MAGI2: variants seen among roughly 807,000 people sequenced by gnomAD.
MAGI2 encodes membrane associated guanylate kinase, WW and PDZ domain containing 2.
A neutral mutation model predicts 133.3 loss-of-function variants in MAGI2; 35 were observed. The observed-to-expected ratio is 0.26, with a 90% CI of 0.20 to 0.35. MAGI2 has a LOEUF of 0.35. Ranked by LOEUF, MAGI2 falls within the 10% of genes least tolerant of loss-of-function variation. The pLI is 1.00. For missense variants in MAGI2, 1,636 were observed against 1,863.4 expected, an observed-to-expected ratio of 0.88 and a Z score of 2.25; for synonymous variants, 729 against 710.6, an observed-to-expected ratio of 1.03 and a Z score of -0.41.
chr7:79,023,286 C>T (rs1161929202), intron 1 of MAGI2, among the ~76,000 whole-genome samples: 2 of 151,978 alleles, frequency 1.3e-5, no homozygotes, highest in Non-Finnish European at 2.9e-5. Context: ...TATTCAACAT[C>T]CATTCATTTA....
chr7:79,105,313 G>A lies in MAGI2; in HGVS notation c.302-98107C>T, dbSNP rs117447949. On this transcript the variant is annotated intron_variant, in intron 1 of 21. Transcript: ENST00000354212. ...CTTTTAGCTGCACAACTGACTTATG[G>A]AACTGTCTATTTTTTAAGTATGGAG... Among the ~76,000 whole-genome samples, 1,201 of 152,238 alleles carry A rather than the reference G, an allele frequency of 7.9e-3. 12 individuals are homozygous for A. The highest frequency in any genetic ancestry group is 0.014 in the Non-Finnish European group (940 of 68,004).
At chr7:78,738,391 A>G (rs1822073017) in intron 2 of MAGI2, among the ~76,000 whole-genome samples, 1 of 152,096 alleles carries the variant, frequency 6.6e-6, no homozygotes, top group Non-Finnish European at 1.5e-5. Flanking sequence ...TTATTTCTAC[A>G]GATATAATTC....
chr7:79,216,835 A>T (rs952566364), intron 1 of MAGI2, among the ~76,000 whole-genome samples: 1 of 152,074 alleles, frequency 6.6e-6, no homozygotes, highest in Admixed American at 6.6e-5. Flanking sequence ...AGTAAGAGAC[A>T]ATTAATTTGT....
intron 3 of MAGI2, among the ~76,000 whole-genome samples, chr7:78,609,808 G>A (rs1000999381): frequency 1.3e-5 from 2 of 152,190 alleles, no homozygotes; most frequent in African/African-American, 4.8e-5. Flanking sequence ...CCTCTGTTAT[G>A]TAGTAGGCTG....
At chr7:78,186,284 C>T (rs1827689684) in intron 12 of MAGI2, among the ~76,000 whole-genome samples, 1 of 152,040 alleles carries the variant, frequency 6.6e-6, no homozygotes, top group South Asian at 2.1e-4. Flanking sequence ...GTGTAAAACA[C>T]CTTTAAAATG....
chr7:78,553,881 A>AGGGCCCGGG (rs1799569329), intron 3 of MAGI2, among the ~76,000 whole-genome samples: 1 of 151,998 alleles, frequency 6.6e-6, no homozygotes, highest in Non-Finnish European at 1.5e-5. Context: ...GGAAGGGAGT[A>AGGGCCCGGG]GGGCCCGGGG....
At chr7:79,310,327 G>A (rs1009782632) in intron 1 of MAGI2, among the ~76,000 whole-genome samples, 2 of 151,912 alleles carry the variant, frequency 1.3e-5, no homozygotes, top group African/African-American at 4.8e-5. Flanking sequence ...AGAACATAAG[G>A]CATTTATTAT....
chr7:78,715,765 T>TA (rs141441982), intron 2 of MAGI2, among the ~76,000 whole-genome samples: 41,655 of 119,744 alleles, frequency 0.35, 6,046 homozygotes, highest in South Asian at 0.48. Context: ...TAAGATAGTT[T>TA]AAAAATTCTC....
At chr7:79,067,808 G>A (rs1460214208) in intron 1 of MAGI2, among the ~76,000 whole-genome samples, 1 of 152,128 alleles carries the variant, frequency 6.6e-6, no homozygotes, top group Non-Finnish European at 1.5e-5. Context: ...AGATTTTTTA[G>A]CATGAAATGC....
intron 2 of MAGI2, among the ~76,000 whole-genome samples, chr7:79,003,213 G>A (rs1807074008): frequency 6.6e-6 from 1 of 152,006 alleles, no homozygotes; most frequent in South Asian, 2.1e-4. Context: ...TGGGGGGGAG[G>A]TCTTTGGAGC....
At chr7:78,360,227 T>C (rs1031616858) in intron 7 of MAGI2, among the ~76,000 whole-genome samples, 2 of 152,230 alleles carry the variant, frequency 1.3e-5, no homozygotes, top group African/African-American at 4.8e-5. Context: ...CTGAATGTGA[T>C]CACAGTTATG....
intron 1 of MAGI2, among the ~76,000 whole-genome samples, chr7:79,258,910 T>A (rs1833884728): frequency 6.6e-6 from 1 of 152,260 alleles, no homozygotes; most frequent in African/African-American, 2.4e-5. Flanking sequence ...CAATCTACTA[T>A]CTTCAGAGCT....
At chr7:78,651,572 C>A (rs183582421) in intron 2 of MAGI2, among the ~76,000 whole-genome samples, 36 of 151,872 alleles carry the variant, frequency 2.4e-4, no homozygotes, top group African/African-American at 7.5e-4. Context: ...AAATAACTTC[C>A]AATAATATGA....
intron 15 of MAGI2, among the ~76,000 whole-genome samples, chr7:78,161,419 T>C (rs950106261): frequency 3.3e-5 from 5 of 152,142 alleles, no homozygotes; most frequent in Admixed American, 3.3e-4. Context: ...ATTAGTGTAC[T>C]CAAAAGATGT....
intron 21 of MAGI2, among the ~76,000 whole-genome samples, chr7:78,064,354 G>GTGTGTGTGTGTGTA (rs1813597830): frequency 6.6e-6 from 1 of 152,016 alleles, no homozygotes; most frequent in Non-Finnish European, 1.5e-5. Flanking sequence ...GTGTGTGTGT[G>GTGTGTGTGTGTGTA]TGTATCTACA....
At chr7:78,353,386 A>T (rs1313581062) in intron 7 of MAGI2, among the ~76,000 whole-genome samples, 1 of 152,204 alleles carries the variant, frequency 6.6e-6, no homozygotes, top group African/African-American at 2.4e-5. Context: ...TTCCCTCAGG[A>T]GGCTCATGCT....
intron 2 of MAGI2, among the ~76,000 whole-genome samples, chr7:78,866,788 A>T (rs1794596387): frequency 6.6e-6 from 1 of 152,116 alleles, no homozygotes; most frequent in South Asian, 2.1e-4. Flanking sequence ...AGAAAGGGGG[A>T]CAGAGAAAAA....
intron 3 of MAGI2, among the ~76,000 whole-genome samples, chr7:78,567,528 T>C (rs956677740): frequency 6.6e-6 from 1 of 152,156 alleles, no homozygotes; most frequent in Non-Finnish European, 1.5e-5. Flanking sequence ...TACATAGATG[T>C]AGAGGAAAAG....
At chr7:78,693,669 T>C (rs998212286) in intron 2 of MAGI2, among the ~76,000 whole-genome samples, 5 of 152,184 alleles carry the variant, frequency 3.3e-5, no homozygotes, top group African/African-American at 1.2e-4. Flanking sequence ...GCCTTTGGAT[T>C]GTTTCCCCAA....
Sources: allele counts gnomAD v4.1 joint callset (sites outside exome capture counted in the v4.1 genomes callset), GRCh38; gene constraint gnomAD v4.1.1; transcripts MANE v1.5; gene names NCBI Gene and HGNC (gene_info 2026-07-23, HGNC 2026-07-21).